The following ALG14 variants were observed in gnomAD, a reference collection of about 807,000 sequenced individuals.
ALG14 encodes the protein ALG14 UDP-N-acetylglucosaminyltransferase subunit.
A neutral mutation model predicts 22.8 loss-of-function variants in ALG14; 17 were observed. The observed-to-expected ratio is 0.75, with a 90% CI of 0.51 to 1.12. The LOEUF (loss-of-function observed/expected upper bound fraction) is 1.12. Among genes scored for constraint, ALG14 ranks in the 50% most tolerant of loss-of-function variants. The pLI is 0.00. For missense variants in ALG14, 288 were observed against 271.8 expected (o/e 1.06, Z -0.42); for synonymous variants, 89 against 103.7 (o/e 0.86, Z 0.86).
At chr1:95,052,771 C>T (rs1674790826) in intron 2 of ALG14, among the ~76,000 whole-genome samples, 1 of 150,632 alleles carries the variant, frequency 6.6e-6, no homozygotes, top group Non-Finnish European at 1.5e-5. Flanking sequence ...GCAGGAGAAT[C>T]AGCTGAACCC....
chr1:95,029,043 A>T (rs1673914069), intron 2 of ALG14, among the ~76,000 whole-genome samples: 3 of 152,218 alleles, frequency 2.0e-5, no homozygotes, highest in African/African-American at 7.2e-5. Flanking sequence ...ACCAGCTTAA[A>T]ACAATAAGTA....
At chr1:95,062,546 A>G (rs1350282359) in intron 2 of ALG14, among the ~76,000 whole-genome samples, 1 of 152,088 alleles carries the variant, frequency 6.6e-6, no homozygotes, top group Non-Finnish European at 1.5e-5. Flanking sequence ...GAAAACGTGT[A>G]GTATTTAGTT....
chr1:95,072,670 G>GA (rs1362133852), intron 1 of ALG14, 93 bp downstream of exon 1: 4 of 1,514,450 alleles, frequency 2.6e-6, no homozygotes, highest in Non-Finnish European at 3.6e-6. Flanking sequence ...AACACTCCAA[G>GA]AAGTGCTAAG....
At position 95,027,154 on chromosome 1, in the gene ALG14, A is replaced by G; in HGVS notation, c.395T>C (p.Leu132Pro). 6.2e-7 allele frequency: 1 copy of G among 1,614,106 alleles called. No homozygotes were observed. ...TLHSMWLSFP[L>P]IHRVKPDLVL... Reference sequence around the variant, plus strand: ...CAAATCTGGCTTCACCCTGTGAATTAGGGGAAAGGAGAGCCACATGGAGTG... The same window carrying G: ...CAAATCTGGCTTCACCCTGTGAATTGGGGGAAAGGAGAGCCACATGGAGTG... Residue 132 changes from leucine (L) to proline (P), a missense_variant, in exon 3 of 4, where the codon CTA becomes CCA. Coordinates refer to ENST00000370205, the MANE Select transcript of ALG14 (RefSeq NM_144988.4).
intron 2 of ALG14, 90 bp from the exon 3 acceptor site, chr1:95,027,350 G>A (rs1165632913): frequency 2.1e-6 from 3 of 1,458,840 alleles, no homozygotes; most frequent in African/African-American, 1.4e-5. Flanking sequence ...AAACAGAAAT[G>A]CTTTCTTTAA....
At chr1:95,060,999 A>G (rs1675127590) in intron 2 of ALG14, among the ~76,000 whole-genome samples, 1 of 152,188 alleles carries the variant, frequency 6.6e-6, no homozygotes, top group South Asian at 2.1e-4. Flanking sequence ...AGACAGAGAT[A>G]CAGAAAAGGT....
chr1:95,003,386 G>A (rs779407387), intron 3 of ALG14, among the ~76,000 whole-genome samples: 2 of 151,756 alleles, frequency 1.3e-5, no homozygotes, highest in Non-Finnish European at 2.9e-5. Context: ...ATATTCCACA[G>A]TGGTTGTGGA....
At chr1:95,072,165 A>G (rs1675586366) in intron 1 of ALG14, among the ~76,000 whole-genome samples, 1 of 152,202 alleles carries the variant, frequency 6.6e-6, no homozygotes, top group South Asian at 2.1e-4. Context: ...AAATGTTTAC[A>G]TTGTGTCTGT....
chr1:94,988,741 G>A (rs1348342107), intron 3 of ALG14, among the ~76,000 whole-genome samples: 2 of 152,188 alleles, frequency 1.3e-5, no homozygotes, highest in Non-Finnish European at 2.9e-5. Flanking sequence ...TCATGAGGTT[G>A]GTTTGGGAAA....
chr1:95,038,521 C>G (rs1674269632), intron 2 of ALG14, among the ~76,000 whole-genome samples: 1 of 151,154 alleles, frequency 6.6e-6, no homozygotes, highest in Admixed American at 6.6e-5. Context: ...ACAAAAACCC[C>G]AAAAAACAAA....
chr1:95,053,033 G>C (rs1023788865), intron 2 of ALG14, among the ~76,000 whole-genome samples: 6 of 152,006 alleles, frequency 3.9e-5, no homozygotes, highest in African/African-American at 1.5e-4. Context: ...AATAAAATAG[G>C]AGAAAGAAAT....
At chr1:95,059,183 G>A (rs1290193193) in intron 2 of ALG14, among the ~76,000 whole-genome samples, 1 of 151,852 alleles carries the variant, frequency 6.6e-6, no homozygotes, top group Non-Finnish European at 1.5e-5. Context: ...CGGATGACGA[G>A]GTCAGGAGTT....
At chr1:94,999,343 A>AT (rs548389921) in intron 3 of ALG14, among the ~76,000 whole-genome samples, 7,987 of 108,414 alleles carry the variant, frequency 0.074, 94 homozygotes, top group East Asian at 0.1. Context: ...CAGTAGACCC[A>AT]TTTTTTTTTT....
At chr1:95,009,516 A>G (rs755264027) in intron 3 of ALG14, among the ~76,000 whole-genome samples, 2 of 152,172 alleles carry the variant, frequency 1.3e-5, no homozygotes, top group Admixed American at 1.3e-4. Context: ...GGGTTTTGAC[A>G]AACACAAAAT....
At chr1:95,067,088 A>G (rs765901446) in intron 1 of ALG14, 4 of 152,234 alleles carry the variant, frequency 2.6e-5, no homozygotes, top group Non-Finnish European at 4.4e-5. Flanking sequence ...ATAAAAATAG[A>G]GTCACTTGTG....
Position 94,983,445 on chromosome 1 carries a change from A to G in ALG14, c.421-139T>C, listed in dbSNP as rs1384458817. On this transcript the variant is annotated intron_variant, in intron 3 of 3. Coordinates refer to ENST00000370205, the MANE Select transcript of ALG14 (RefSeq NM_144988.4). ...CCTTCTCTGTCAAGAACCAGGATGCAGCAAACAGCGCATGTTTAAGCCCAT... is the reference window on the plus strand; with the variant it reads ...CCTTCTCTGTCAAGAACCAGGATGCGGCAAACAGCGCATGTTTAAGCCCAT... 5.6e-6 allele frequency: 4 copies of G among 719,138 alleles called. No homozygotes were observed. The East Asian group carries it at 8.1e-5, about 15-fold the overall frequency. The allele number at this position is 719,138 out of a possible 1,614,324, so 44.5% of individuals were successfully genotyped here.
At position 95,003,025 on chromosome 1, in the gene ALG14, C is replaced by G. The variant is rs750507099; in HGVS notation, c.421-19719G>C. 4.5e-4 allele frequency among the ~76,000 whole-genome samples: 69 copies of G among 152,190 alleles called. 2 individuals are homozygous for G. Among genetic ancestry groups the G allele is most frequent in the South Asian group, 2.1e-4 (1 of 4,828 alleles). On this transcript the variant is annotated intron_variant, in intron 3 of 3. Transcript: ENST00000370205. ...GCAACAATGTTGAGAGTGACATTTA[C>G]TAGCTGAAAACAGTGAAATCAGAGC...
At position 94,981,668 on chromosome 1, in the gene ALG14, TTTTTA is replaced by T. The variant is rs1404314717; in HGVS notation, c.*1403_*1407del. 2 of 148,112 alleles carry T rather than the reference TTTTTA, an allele frequency of 1.4e-5. No homozygotes were observed. Among genetic ancestry groups the T allele is most frequent in the African/African-American group, 4.9e-5 (2 of 40,882 alleles). The allele number at this position is 148,112 out of a possible 1,614,324, so 9.2% of individuals were successfully genotyped here. A position where few individuals can be genotyped will look rare whatever the true frequency, so the allele number is the denominator to read the frequency against. On this transcript the variant is annotated 3_prime_UTR_variant, in exon 4 of 4. Coordinates refer to ENST00000370205, the MANE Select transcript of ALG14 (RefSeq NM_144988.4). Reference sequence around the variant, plus strand: ...CAGGAGAGAATCTTCTCTTTTCTGTTTTTTATTTTGTTTTGTTTTTTTTTTTTTTG... The same window carrying T: ...CAGGAGAGAATCTTCTCTTTTCTGTTTTTTGTTTTGTTTTTTTTTTTTTTG...
chr1:95,034,895 T>C (rs951308910), intron 2 of ALG14, among the ~76,000 whole-genome samples: 12 of 152,218 alleles, frequency 7.9e-5, no homozygotes, highest in African/African-American at 2.9e-4. Context: ...CTAAGCTCCC[T>C]GCCTCCTCCT....
Sources: gnomAD v4.1 joint callset for allele counts (sites outside exome capture counted in the v4.1 genomes callset) on GRCh38, gnomAD v4.1.1 for gene constraint, MANE v1.5 for transcripts, NCBI Gene and HGNC (gene_info 2026-07-23, HGNC 2026-07-21) for gene names.